Variants in LARP1B observed in about 807,000 individuals in gnomAD.
LARP1B encodes the protein la-related protein 1B.
Under a neutral mutation model 114.2 loss-of-function variants are expected in LARP1B, and 76 were observed. The observed-to-expected ratio is 0.67, with a 90% CI of 0.55 to 0.81. The LOEUF is 0.81. LARP1B is among the 30% of genes least tolerant of loss of function. The pLI is 0.00. For missense variants in LARP1B, 1,014 were observed against 1,075.8 expected (o/e 0.94, Z 0.80); for synonymous variants, 345 against 348.0 (o/e 0.99, Z 0.10).
Position 128,199,473 on chromosome 4 carries a change from C to G in LARP1B, c.2038C>G (p.Leu680Val). 6.3e-7 allele frequency: 1 copy of G among 1,579,866 alleles called. No homozygotes were observed. The highest frequency in any genetic ancestry group is 8.6e-7 in the Non-Finnish European group (1 of 1,161,694). ...SNASPSEGAPLAGSYGCTPHS... is the reference protein window; with the variant it reads ...SNASPSEGAPVAGSYGCTPHS... Reference sequence around the variant, plus strand: ...TGCTTCACCTTCAGAAGGCGCACCACTAGCAGGAAGTTATGGATGTACTCC... The same window carrying G: ...TGCTTCACCTTCAGAAGGCGCACCAGTAGCAGGAAGTTATGGATGTACTCC... Residue 680 changes from leucine (L) to valine (V), a missense_variant, in exon 16 of 20, where the codon CTA becomes GTA. Leu to Val is a conservative substitution (Grantham distance 32, BLOSUM62 1). Coordinates refer to ENST00000326639, the MANE Select transcript of LARP1B (RefSeq NM_018078.4).
chr4:128,151,246 C>G (rs1397700261), intron 11 of LARP1B, among the ~76,000 whole-genome samples: 1 of 152,138 alleles, frequency 6.6e-6, no homozygotes, highest in Non-Finnish European at 1.5e-5. Flanking sequence ...TAAAATACAT[C>G]AGCAAGTATC....
intron 11 of LARP1B, among the ~76,000 whole-genome samples, chr4:128,151,190 C>T (rs770293422): frequency 4.0e-5 from 6 of 151,870 alleles, no homozygotes; most frequent in Non-Finnish European, 8.8e-5. Context: ...TACATTTTTT[C>T]CTGAATCATT....
chr4:128,216,973 C>G (rs1226636090), downstream of LARP1B, among the ~76,000 whole-genome samples: 1 of 151,108 alleles, frequency 6.6e-6, no homozygotes, highest in Admixed American at 6.6e-5. Context: ...CACCACCGAT[C>G]CCACAGAAAT....
intron 9 of LARP1B, among the ~76,000 whole-genome samples, chr4:128,110,841 C>T (rs186299859): frequency 1.3e-5 from 2 of 151,670 alleles, no homozygotes; most frequent in African/African-American, 2.4e-5. Context: ...TATGTGTTGG[C>T]GAATATATTG....
At chr4:128,170,872 C>CTTTTTTTTTTTTTTTTTT (rs70966085) in intron 12 of LARP1B, among the ~76,000 whole-genome samples, 24 of 94,998 alleles carry the variant, frequency 2.5e-4, no homozygotes, top group Middle Eastern at 0.015. Context: ...TTTTTCTTTT[C>CTTTTTTTTTTTTTTTTTT]TTTTTTTTTT....
intron 7 of LARP1B, among the ~76,000 whole-genome samples, chr4:128,097,359 G>T (rs1778451839): frequency 6.6e-6 from 1 of 151,930 alleles, no homozygotes; most frequent in Non-Finnish European, 1.5e-5. Context: ...CCAGGCTGGA[G>T]TGCAATGACG....
intron 15 of LARP1B, among the ~76,000 whole-genome samples, chr4:128,198,554 T>G (rs1171935636): frequency 6.6e-6 from 1 of 152,258 alleles, no homozygotes. Context: ...ACTGCCTCAA[T>G]TCACATCAGT....
At chr4:128,220,654 G>T (rs1458019032) in intron 7 of LARP1B, among the ~76,000 whole-genome samples, 1 of 152,116 alleles carries the variant, frequency 6.6e-6, no homozygotes, top group East Asian at 1.9e-4. Flanking sequence ...AGTTAAAAAT[G>T]GAAATACTTT....
chr4:128,210,771 G>A lies in LARP1B; in HGVS notation c.*718G>A. The A allele has an allele frequency of 3.0e-6, 3 of 984,638 alleles. No homozygotes were observed. Among genetic ancestry groups the A allele is most frequent in the Non-Finnish European group, 3.6e-6 (3 of 829,266 alleles). 61.0% of individuals were successfully genotyped at this position (984,638 alleles called of 1,614,324 possible). A position where few individuals can be genotyped will look rare whatever the true frequency, so the allele number is the denominator to read the frequency against. On this transcript the variant is annotated 3_prime_UTR_variant, in exon 20 of 20. Transcript: ENST00000326639. ...TATTGGTGTGGAGTTTTCTGAATTG[G>A]CTATAAGCTGATTACATATTAGAGG...
In LARP1B at chr4:128,104,824, G is replaced by A. The variant is rs114199022; in HGVS notation, c.814-2315G>A. 1.5e-3 allele frequency among the ~76,000 whole-genome samples: 225 copies of A among 152,268 alleles called. 2 individuals carry two copies. The highest frequency in any genetic ancestry group is 5.0e-3 in the African/African-American group (208 of 41,560). ...TTGGGTCTTTGATGCTACTGTGAACGTTGTCATAGATATTTCTGGGTGAAC... is the reference window on the plus strand; with the variant it reads ...TTGGGTCTTTGATGCTACTGTGAACATTGTCATAGATATTTCTGGGTGAAC... On this transcript the variant is annotated intron_variant, in intron 8 of 19. Transcript: ENST00000326639.
At chr4:128,189,413 G>A (rs1751502901) in intron 15 of LARP1B, among the ~76,000 whole-genome samples, 1 of 128,736 alleles carries the variant, frequency 7.8e-6, no homozygotes, top group South Asian at 2.6e-4. Context: ...TGTCTTTATA[G>A]GTGATTTGAG....
intron 11 of LARP1B, among the ~76,000 whole-genome samples, chr4:128,126,420 GCC>G (rs1354509415): frequency 2.0e-5 from 3 of 152,110 alleles, no homozygotes; most frequent in Admixed American, 6.5e-5. Context: ...ACCATGCCTG[GCC>G]CCTTAAAATA....
chr4:128,076,224 C>T (rs373464498), intron 3 of LARP1B, among the ~76,000 whole-genome samples: 2 of 152,162 alleles, frequency 1.3e-5, no homozygotes, highest in African/African-American at 2.4e-5. Flanking sequence ...ATGTTGGTCT[C>T]GAACTCCTGA....
chr4:128,075,022 T>A (rs1008241199), intron 3 of LARP1B, 29 bp downstream of exon 3: 30 of 1,415,482 alleles, frequency 2.1e-5, no homozygotes, highest in Admixed American at 3.7e-5. Flanking sequence ...TTTTTTTTTT[T>A]AAAGAAAGGA....
chr4:128,188,402 C>T (rs1385670229), intron 15 of LARP1B, among the ~76,000 whole-genome samples: 1 of 152,126 alleles, frequency 6.6e-6, no homozygotes, highest in Non-Finnish European at 1.5e-5. Flanking sequence ...AATGTGAGAA[C>T]AGCCTAATAC....
intron 7 of LARP1B, among the ~76,000 whole-genome samples, chr4:128,221,945 A>G (rs1561600191): frequency 6.6e-6 from 1 of 152,238 alleles, no homozygotes; most frequent in Non-Finnish European, 1.5e-5. Context: ...GCATGGTGGT[A>G]CAGTAAGCAC....
intron 19 of LARP1B, 47 bp downstream of exon 19, chr4:128,207,430 T>G: frequency 7.7e-7 from 1 of 1,301,194 alleles, no homozygotes; most frequent in Non-Finnish European, 1.0e-6. Flanking sequence ...TCCATATATT[T>G]CAGTCTCTTA....
Position 128,091,159 on chromosome 4 carries a change from T to C in LARP1B, c.502+15T>C, listed in dbSNP as rs1421007554. ...AAATCCTCGATGTATGACATAATTT[T>C]TGTTTCGTTAAATTAGATAAACTTT... On this transcript the variant is annotated intron_variant, in intron 6 of 19. Transcript: ENST00000326639. 1 of 1,605,154 alleles carries C rather than the reference T, an allele frequency of 6.2e-7. No homozygotes were observed. The highest frequency in any genetic ancestry group is 1.1e-5 in the South Asian group (1 of 88,286).
intron 9 of LARP1B, chr4:128,107,653 A>G (rs867313562): frequency 1.4e-6 from 2 of 1,419,556 alleles, no homozygotes; most frequent in African/African-American, 1.4e-5. Context: ...GGATTATTCT[A>G]AAAAGGTCTT....
Sources: allele counts gnomAD v4.1 joint callset (sites outside exome capture counted in the v4.1 genomes callset), GRCh38; gene constraint gnomAD v4.1.1; transcripts MANE v1.5; gene names NCBI Gene and HGNC (gene_info 2026-07-23, HGNC 2026-07-21).